The following CRY1 variants were observed in gnomAD, a reference collection of about 807,000 sequenced individuals.
CRY1 encodes the protein cryptochrome circadian regulator 1.
In CRY1, 45 loss-of-function variants were observed where a neutral mutation model predicts 76.0. The observed-to-expected ratio is 0.59, with a 90% CI of 0.47 to 0.76. The LOEUF (loss-of-function observed/expected upper bound fraction) is 0.76. Among genes scored for constraint, CRY1 ranks in the 30% least tolerant of loss-of-function variants. CRY1 has a pLI of 0.00. For missense variants in CRY1, 587 were observed against 716.4 expected, an observed-to-expected ratio of 0.82 and a Z score of 2.06; for synonymous variants, 248 against 244.0, an observed-to-expected ratio of 1.02 and a Z score of -0.15.
At chr12:107,030,602 G>A (rs960814400) in intron 1 of CRY1, among the ~76,000 whole-genome samples, 1 of 152,134 alleles carries the variant, frequency 6.6e-6, no homozygotes, top group African/African-American at 2.4e-5. Context: ...ACATGGCCAA[G>A]TTAGTCTTCA....
At chr12:107,053,890 A>G (rs1200453061) in intron 1 of CRY1, among the ~76,000 whole-genome samples, 2 of 152,206 alleles carry the variant, frequency 1.3e-5, no homozygotes, top group Non-Finnish European at 2.9e-5. Context: ...GCAGCTGACT[A>G]TAACTACATC....
chr12:107,047,731 C>T (rs958799905), intron 1 of CRY1, among the ~76,000 whole-genome samples: 1 of 152,150 alleles, frequency 6.6e-6, no homozygotes, highest in African/African-American at 2.4e-5. Context: ...AACCTCTTTT[C>T]TTTATAAATT....
intron 2 of CRY1, among the ~76,000 whole-genome samples, chr12:107,015,905 C>G (rs1952493299): frequency 6.6e-6 from 1 of 152,164 alleles, no homozygotes; most frequent in South Asian, 2.1e-4. Flanking sequence ...AGGCTGGTCT[C>G]AAACTCCTGG....
chr12:107,008,892 A>T (rs936907283), intron 2 of CRY1, among the ~76,000 whole-genome samples: 1 of 152,072 alleles, frequency 6.6e-6, no homozygotes, highest in African/African-American at 2.4e-5. Flanking sequence ...GCCATGTAAC[A>T]TGTGCCTTTG....
chr12:107,015,780 G>C (rs143708896), intron 2 of CRY1, among the ~76,000 whole-genome samples: 80 of 151,994 alleles, frequency 5.3e-4, no homozygotes, highest in Non-Finnish European at 9.4e-4. Context: ...AACTTTCCAG[G>C]CTAAAGTGAT....
chr12:107,072,756 C>T (rs1198089722), intron 1 of CRY1, among the ~76,000 whole-genome samples: 2 of 152,216 alleles, frequency 1.3e-5, no homozygotes, highest in Middle Eastern at 3.4e-3. Context: ...AAAACTACTA[C>T]CAGTGTTGTA....
chr12:107,036,573 T>A (rs1300123170), intron 1 of CRY1, among the ~76,000 whole-genome samples: 1 of 150,126 alleles, frequency 6.7e-6, no homozygotes, highest in Non-Finnish European at 1.5e-5. Flanking sequence ...CCCAGTCCAT[T>A]TAAAGTTGGT....
At chr12:107,077,474 T>A (rs924494420) in intron 1 of CRY1, among the ~76,000 whole-genome samples, 2 of 152,194 alleles carry the variant, frequency 1.3e-5, no homozygotes, top group African/African-American at 4.8e-5. Flanking sequence ...CACGGCCATT[T>A]AATAGGAAAG....
Position 106,999,822 on chromosome 12 carries a change from T to C in CRY1, c.866A>G (p.Gln289Arg). The change falls in exon 7 of 13, where the codon CAA (glutamine) becomes CGA (arginine). Residue 289 changes from glutamine (Q) to arginine (R), a missense_variant. Gln to Arg is a conservative substitution (Grantham distance 43). Coordinates refer to ENST00000008527, the MANE Select transcript of CRY1 (RefSeq NM_004075.5). The part of the protein sequence containing the change: ...NSSPPLSLYG[Q>R]LLWREFFYTA... ...ATAGAAAAATTCACGCCATAACAGT[T>C]GCCCATAAAGGGAAAGGGGAGGGGA... The C allele has an allele frequency of 6.2e-7, 1 of 1,614,086 alleles. No homozygotes were observed. Among genetic ancestry groups the C allele is most frequent in the Non-Finnish European group, 8.5e-7 (1 of 1,179,978 alleles).
intron 3 of CRY1, among the ~76,000 whole-genome samples, chr12:107,003,140 G>A (rs906699378): frequency 1.3e-5 from 2 of 152,132 alleles, no homozygotes; most frequent in African/African-American, 2.4e-5. Flanking sequence ...CATGAGAGAT[G>A]TCAGCATATG....
In CRY1 at chr12:107,009,564, ATATATATAT is replaced by A. The variant is rs1566245561; in HGVS notation, c.268-4325_268-4317del. Among the ~76,000 whole-genome samples the A allele has an allele frequency of 5.0e-4, 4 of 7,976 alleles. 1 individual carries two copies. In the South Asian group the frequency reaches 0.012, roughly 24 times the overall value. The allele number at this position is 7,976 out of a possible 152,430, so 5.2% of individuals were successfully genotyped here. ...AGAAAAAACAAAAAAACAAAAAAAC[ATATATATAT>A]ATATATATATATATATATATATATA... On this transcript the variant is annotated intron_variant, in intron 2 of 12. Coordinates refer to ENST00000008527, the MANE Select transcript of CRY1 (RefSeq NM_004075.5).
chr12:107,049,545 T>C (rs561871815), intron 1 of CRY1, among the ~76,000 whole-genome samples: 1 of 152,216 alleles, frequency 6.6e-6, no homozygotes, highest in South Asian at 2.1e-4. Flanking sequence ...TGACTAATTT[T>C]TGTATTTTTT....
intron 1 of CRY1, among the ~76,000 whole-genome samples, chr12:107,070,033 G>A (rs1018098436): frequency 1.3e-5 from 2 of 152,074 alleles, no homozygotes; most frequent in African/African-American, 4.8e-5. Context: ...ATTGTTAGTG[G>A]GAATATAGAC....
At position 107,001,891 on chromosome 12, in the gene CRY1, GA is replaced by G; in HGVS notation, c.467del (p.Leu156ProfsTer8). 6.2e-7 allele frequency: 1 copy of G among 1,601,016 alleles called. No individual in the cohort carries two copies. On this transcript the variant is annotated frameshift_variant, in exon 4 of 13. Coordinates refer to ENST00000008527, the MANE Select transcript of CRY1 (RefSeq NM_004075.5). LOFTEE classifies it high-confidence loss of function. ...TCTCTAGTGGTTCCATTTTGCTGAT[GA>G]GAGTCTGGAATCTTTTATAAGTTAG... ...PPLTYKRFQT[L>X]ISKMEPLEIP...
At position 107,017,759 on chromosome 12, in the gene CRY1, G is replaced by A. The variant is rs1036307184; in HGVS notation, c.267+4325C>T. Reference sequence around the variant, plus strand: ...AAGGAAATAAACTCTACCTTTTGACGGAAAGAGCTGCAAAATATTGTGGAT... The same window carrying A: ...AAGGAAATAAACTCTACCTTTTGACAGAAAGAGCTGCAAAATATTGTGGAT... On this transcript the variant is annotated intron_variant, in intron 2 of 12. Transcript: ENST00000008527. Among the ~76,000 whole-genome samples the A allele has an allele frequency of 7.2e-5, 11 of 152,144 alleles. No homozygotes were observed. In the East Asian group the frequency reaches 1.2e-3, roughly 16 times the overall value.
intron 1 of CRY1, among the ~76,000 whole-genome samples, chr12:107,089,569 G>A (rs1317291673): frequency 1.3e-5 from 2 of 151,992 alleles, no homozygotes; most frequent in Non-Finnish European, 2.9e-5. Context: ...AAGTGGTTTT[G>A]TTAATGTGCT....
chr12:107,087,945 G>C (rs1249366897), intron 1 of CRY1, among the ~76,000 whole-genome samples: 1 of 152,084 alleles, frequency 6.6e-6, no homozygotes, highest in Non-Finnish European at 1.5e-5. Context: ...AGGCTGAGGT[G>C]GGACAACTGC....
rs1232924100 is a variant in CRY1 at position 107,093,213 on chromosome 12, G to T, written c.-252C>A. On this transcript the variant is annotated 5_prime_UTR_variant, in exon 1 of 13. Transcript: ENST00000008527. ...TGACGCCCTTTAGGAGCCCGCGCCC[G>T]CCGCAACCGCCTGGAGGCGACGCAT... The T allele has an allele frequency of 2.3e-6, 1 of 427,784 alleles. No individual in the cohort carries two copies. Among genetic ancestry groups the T allele is most frequent in the Non-Finnish European group, 4.1e-6 (1 of 243,720 alleles). 26.5% of individuals were successfully genotyped at this position (427,784 alleles called of 1,614,324 possible). A position where few individuals can be genotyped will look rare whatever the true frequency, so the allele number is the denominator to read the frequency against.
chr12:107,017,144 T>A (rs1224353578), intron 2 of CRY1, among the ~76,000 whole-genome samples: 1 of 152,250 alleles, frequency 6.6e-6, no homozygotes, highest in African/African-American at 2.4e-5. Flanking sequence ...TCCAATGGCA[T>A]CTATTTCACT....
Sources: allele counts gnomAD v4.1 joint callset (sites outside exome capture counted in the v4.1 genomes callset), GRCh38; gene constraint gnomAD v4.1.1; transcripts MANE v1.5; gene names NCBI Gene and HGNC (gene_info 2026-07-23, HGNC 2026-07-21).